The following SRRM4 variants were observed in gnomAD, a reference collection of about 807,000 sequenced individuals.
SRRM4 encodes the protein serine/arginine repetitive matrix protein 4.
Under a neutral mutation model 68.9 loss-of-function variants are expected in SRRM4, and 33 were observed. That is an observed-to-expected ratio of 0.48 (90% CI 0.36 to 0.64). SRRM4 has a LOEUF of 0.64. Ranked by LOEUF, SRRM4 falls within the 30% of genes least tolerant of loss-of-function variation. The pLI is 0.00. For synonymous variants in SRRM4, 318 were observed against 318.8 expected (o/e 1.00, Z 0.03); for missense variants, 817 against 827.1 (o/e 0.99, Z 0.15).
intron 1 of SRRM4, among the ~76,000 whole-genome samples, chr12:118,983,602 A>G (rs1953263828): frequency 6.6e-6 from 1 of 152,156 alleles, no homozygotes; most frequent in Admixed American, 6.5e-5. Flanking sequence ...TGTAGAAGGA[A>G]CTAGAGGAAA....
intron 1 of SRRM4, among the ~76,000 whole-genome samples, chr12:119,090,767 A>T (rs146849656): frequency 6.6e-6 from 1 of 151,974 alleles, no homozygotes; most frequent in East Asian, 1.9e-4. Context: ...CCAGGCTTGG[A>T]CTCAATGCTC....
chr12:119,059,903 A>T (rs946439004), intron 1 of SRRM4, among the ~76,000 whole-genome samples: 1 of 152,212 alleles, frequency 6.6e-6, no homozygotes, highest in Non-Finnish European at 1.5e-5. Flanking sequence ...GAGAGGGTGC[A>T]GAGTCCCTTC....
intron 1 of SRRM4, among the ~76,000 whole-genome samples, chr12:119,040,598 C>A (rs532903707): frequency 1.3e-5 from 2 of 152,210 alleles, no homozygotes; most frequent in Admixed American, 1.3e-4. Context: ...CATTCGTTGA[C>A]TTGATTTGGG....
intron 1 of SRRM4, among the ~76,000 whole-genome samples, chr12:119,048,381 C>T (rs897456119): frequency 1.3e-5 from 2 of 152,126 alleles, no homozygotes; most frequent in African/African-American, 4.8e-5. Flanking sequence ...ACATATTTAG[C>T]GAGCCCATGT....
At chr12:119,133,595 C>T (rs1023935476) in intron 8 of SRRM4, among the ~76,000 whole-genome samples, 3 of 152,170 alleles carry the variant, frequency 2.0e-5, no homozygotes, top group Admixed American at 2.0e-4. Flanking sequence ...GGCCCTTTCT[C>T]GTCTTCTCTA....
At chr12:119,118,562 G>C (rs1316796159) in intron 4 of SRRM4, among the ~76,000 whole-genome samples, 8 of 152,174 alleles carry the variant, frequency 5.3e-5, no homozygotes, top group Non-Finnish European at 8.8e-5. Context: ...TTACTACAAG[G>C]CATGGGCAAA....
chr12:119,029,333 G>T (rs1163551536), intron 1 of SRRM4, among the ~76,000 whole-genome samples: 1 of 152,194 alleles, frequency 6.6e-6, no homozygotes, highest in Non-Finnish European at 1.5e-5. Flanking sequence ...CCCTGATGAA[G>T]ACATGAAGAT....
intron 1 of SRRM4, among the ~76,000 whole-genome samples, chr12:119,072,775 A>C (rs1398097543): frequency 6.6e-6 from 1 of 152,106 alleles, no homozygotes; most frequent in African/African-American, 2.4e-5. Flanking sequence ...CTTGTTTTTG[A>C]GCCTCCCTGA....
chr12:119,017,672 T>C (rs1232243251), intron 1 of SRRM4, among the ~76,000 whole-genome samples: 3 of 152,138 alleles, frequency 2.0e-5, no homozygotes, highest in Non-Finnish European at 4.4e-5. Context: ...GTGGAGTCCA[T>C]TGCGGGGGCA....
rs1339013716 is a variant in SRRM4, at chr12:119,031,168, C to T, written c.131+49155C>T. ...GTGAGCACTGGGTCTCATCTGAAGACTCAATTGGGGAAGGGTCTGCTTTCA... is the reference window on the plus strand; with the variant it reads ...GTGAGCACTGGGTCTCATCTGAAGATTCAATTGGGGAAGGGTCTGCTTTCA... On this transcript the variant is annotated intron_variant, in intron 1 of 12. Coordinates refer to ENST00000267260, the MANE Select transcript of SRRM4 (RefSeq NM_194286.4). 3 of 152,192 alleles carry T rather than the reference C, an allele frequency of 2.0e-5. No homozygotes were observed. In the South Asian group the frequency reaches 6.2e-4, roughly 32 times the overall value. 9.4% of individuals were successfully genotyped at this position (152,192 alleles called of 1,614,324 possible). A position where few individuals can be genotyped will look rare whatever the true frequency, so the allele number is the denominator to read the frequency against.
At chr12:119,085,280 T>C (rs866954402) in intron 1 of SRRM4, among the ~76,000 whole-genome samples, 5 of 152,236 alleles carry the variant, frequency 3.3e-5, no homozygotes, top group Admixed American at 6.5e-5. Flanking sequence ...ATTTTCACCA[T>C]TAATCCTTGC....
intron 1 of SRRM4, among the ~76,000 whole-genome samples, chr12:119,003,100 C>T (rs1156563661): frequency 1.3e-5 from 2 of 152,012 alleles, no homozygotes; most frequent in African/African-American, 4.8e-5. Context: ...CATGTGCTCA[C>T]AGTCACCATA....
intron 9 of SRRM4, among the ~76,000 whole-genome samples, chr12:119,146,481 G>A (rs1367939802): frequency 6.6e-6 from 1 of 152,110 alleles, no homozygotes; most frequent in East Asian, 1.9e-4. Context: ...AGCTACTCGG[G>A]AGGCTGAGGC....
chr12:119,036,196 C>T (rs1953625848), intron 1 of SRRM4, among the ~76,000 whole-genome samples: 1 of 152,160 alleles, frequency 6.6e-6, no homozygotes, highest in Admixed American at 6.5e-5. Flanking sequence ...TGTCCCACGT[C>T]TTCACACTTC....
intron 1 of SRRM4, among the ~76,000 whole-genome samples, chr12:119,062,242 T>C (rs1953817282): frequency 6.6e-6 from 1 of 152,224 alleles, no homozygotes; most frequent in Non-Finnish European, 1.5e-5. Context: ...TATAGGGCAC[T>C]TGCTGGAGAT....
At chr12:119,003,274 C>T (rs1234126700) in intron 1 of SRRM4, among the ~76,000 whole-genome samples, 1 of 151,688 alleles carries the variant, frequency 6.6e-6, no homozygotes, top group Non-Finnish European at 1.5e-5. Flanking sequence ...CCTCCCCATC[C>T]CCCGCCACCA....
chr12:119,137,927 T>C (rs184206712), intron 8 of SRRM4, among the ~76,000 whole-genome samples: 3 of 151,914 alleles, frequency 2.0e-5, no homozygotes, highest in Admixed American at 2.0e-4. Flanking sequence ...TTCACAGATC[T>C]GGAAGGAAGA....
intron 1 of SRRM4, among the ~76,000 whole-genome samples, chr12:119,071,896 G>A (rs1953880185): frequency 6.6e-6 from 1 of 152,194 alleles, no homozygotes; most frequent in Non-Finnish European, 1.5e-5. Flanking sequence ...CTGGAACCTA[G>A]TCAGTGTCTG....
intron 2 of SRRM4, among the ~76,000 whole-genome samples, chr12:119,103,168 A>G (rs1954087146): frequency 6.6e-6 from 1 of 152,140 alleles, no homozygotes; most frequent in Non-Finnish European, 1.5e-5. Flanking sequence ...TGGGAAATCT[A>G]TTTCTAGAAG....
Sources: allele counts gnomAD v4.1 joint callset (sites outside exome capture counted in the v4.1 genomes callset), GRCh38; gene constraint gnomAD v4.1.1; transcripts MANE v1.5; gene names NCBI Gene and HGNC (gene_info 2026-07-23, HGNC 2026-07-21).